Variants in IQSEC3 observed in about 807,000 individuals in gnomAD.
IQSEC3 encodes the protein IQ motif and Sec7 domain ArfGEF 3, also known as IQ motif and SEC7 domain-containing protein 3.
IQSEC3 carries 50 observed loss-of-function variants against 105.4 expected under a neutral mutation model. The ratio of observed to expected loss-of-function variants is 0.47; its 90% CI spans 0.38 to 0.60. The LOEUF (loss-of-function observed/expected upper bound fraction) is 0.60, where lower values mean the gene tolerates loss of function less well. Among genes scored for constraint, IQSEC3 ranks in the 20% least tolerant of loss-of-function variants. The pLI is 0.00. For synonymous variants in IQSEC3, 708 were observed against 746.0 expected (o/e 0.95, Z 0.83); for missense variants, 1,415 against 1,630.0 (o/e 0.87, Z 2.27).
chr12:118,093 C>T (rs1254551352), intron 2 of IQSEC3, among the ~76,000 whole-genome samples: 1 of 152,160 alleles, frequency 6.6e-6, no homozygotes, highest in Non-Finnish European at 1.5e-5. Flanking sequence ...AATGAGGATA[C>T]AGAGCCCAGA....
intron 3 of IQSEC3, among the ~76,000 whole-genome samples, chr12:135,672 G>A (rs1865739651): frequency 6.6e-6 from 1 of 152,238 alleles, no homozygotes; most frequent in South Asian, 2.1e-4. Flanking sequence ...CCCTATAAAT[G>A]AAGCTGAAGC....
chr12:152,520 G>T lies in IQSEC3; in HGVS notation c.2154-4505G>T, dbSNP rs895877659. On this transcript the variant is annotated intron_variant, in intron 5 of 13. Coordinates refer to ENST00000538872, the MANE Select transcript of IQSEC3 (RefSeq NM_001170738.2). The surrounding 1 kb of genome is among the most constrained non-coding windows in gnomAD (Gnocchi z 4.8). ...GAGATGTGTGCAGCACGCCTGTAGG[G>T]CTGGCTGTCTAGTGTACTTCAGTCT... is the stretch of plus-strand genomic sequence containing the variant. Among the ~76,000 whole-genome samples the T allele has an allele frequency of 2.0e-5, 3 of 152,210 alleles. No individual in the cohort carries two copies. Among genetic ancestry groups the T allele is most frequent in the Admixed American group, 6.5e-5 (1 of 15,288 alleles).
intron 13 of IQSEC3, chr12:171,401 G>A: frequency 1.5e-6 from 2 of 1,364,282 alleles, no homozygotes; most frequent in Admixed American, 1.7e-5. Context: ...GCCCTCCGAG[G>A]CCGAGCTCCC....
chr12:125,920 G>A lies in IQSEC3; in HGVS notation c.903+8G>A. The A allele has an allele frequency of 6.5e-7, 1 of 1,530,956 alleles. No homozygotes were observed. The highest frequency in any genetic ancestry group is 8.7e-7 in the Non-Finnish European group (1 of 1,145,380). 94.8% of individuals were successfully genotyped at this position (1,530,956 alleles called of 1,614,324 possible). A position where few individuals can be genotyped will look rare whatever the true frequency, so the allele number is the denominator to read the frequency against. ...GACCTAAAGAATAAACAGGTACCCA[G>A]GGCCTCCTAGGGGGGCGGGGAGGGT... On this transcript the variant is annotated splice_region_variant and intron_variant, in intron 3 of 13. Coordinates refer to ENST00000538872, the MANE Select transcript of IQSEC3 (RefSeq NM_001170738.2).
At chr12:139,378 C>T in intron 4 of IQSEC3, 24 bp downstream of exon 4, 1 of 1,512,892 alleles carries the variant, frequency 6.6e-7, no homozygotes, top group Non-Finnish European at 8.9e-7. Flanking sequence ...GGCCCCCAGC[C>T]CGGAGTCCTG....
chr12:106,702 T>C (rs1864665702), intron 2 of IQSEC3: 1 of 152,256 alleles, frequency 6.6e-6, no homozygotes, highest in Admixed American at 6.5e-5. Flanking sequence ...TGGAAGCTTC[T>C]TGTTGGAATC....
intron 1 of IQSEC3, among the ~76,000 whole-genome samples, chr12:72,199 C>T (rs1863345649): frequency 6.6e-6 from 1 of 152,184 alleles, no homozygotes; most frequent in South Asian, 2.1e-4. Context: ...TGGCCCAAAA[C>T]CAAGCAAAGG....
chr12:75,556 T>G (rs1270531309), intron 1 of IQSEC3, among the ~76,000 whole-genome samples: 1 of 152,198 alleles, frequency 6.6e-6, no homozygotes, highest in Non-Finnish European at 1.5e-5. Flanking sequence ...AATAATTTTT[T>G]GGATGGTGAA....
At position 174,234 on chromosome 12, in the gene IQSEC3, C is replaced by T. The variant is rs565608895; in HGVS notation, c.3115-365C>T. Among the ~76,000 whole-genome samples the T allele has an allele frequency of 1.4e-4, 21 of 152,230 alleles. No individual in the cohort carries two copies. The East Asian group carries it at 3.9e-3, about 28-fold the overall frequency. ...TGCCTCAGCACACTCCTGGGAGGGG[C>T]AAAGACTATAACCCCTGCTTTCAAG... On this transcript the variant is annotated intron_variant, in intron 13 of 13. Transcript: ENST00000538872.
intron 5 of IQSEC3, among the ~76,000 whole-genome samples, chr12:142,818 G>A (rs534310779): frequency 1.3e-5 from 2 of 152,264 alleles, no homozygotes; most frequent in South Asian, 4.1e-4. Flanking sequence ...TTCCTTTTCT[G>A]TGTCCCCTAG....
chr12:101,749 A>G (rs782098703), intron 2 of IQSEC3, among the ~76,000 whole-genome samples: 28 of 151,842 alleles, frequency 1.8e-4, no homozygotes, highest in Non-Finnish European at 3.4e-4. Flanking sequence ...CTTCTCCGAG[A>G]GGAGACCCTC....
At chr12:91,125 A>C (rs1212915167) in intron 1 of IQSEC3, among the ~76,000 whole-genome samples, 1 of 151,830 alleles carries the variant, frequency 6.6e-6, no homozygotes, top group Non-Finnish European at 1.5e-5. Context: ...AGGGAGGGGG[A>C]TCCTCCTTCA....
Position 138,689 on chromosome 12 carries a change from G to A in IQSEC3, c.1326G>A (p.Ala442=), listed in dbSNP as rs1212761220. The part of the protein sequence containing the change: ...GAYQLHQALQ[A]AAGPPGLEAE... The stretch of plus-strand genomic sequence containing the variant: ...ACCAGCTCCACCAGGCCCTGCAGGC[G>A]GCCGCGGGGCCCCCAGGCCTGGAGG... The change falls in exon 4 of 14, where the codon GCG becomes GCA. Residue 442 remains alanine (A), a synonymous_variant. Transcript: ENST00000538872. This position sits in a 1 kb window ranked among gnomAD's most constrained non-coding sequence, Gnocchi z 7.1. 4.6e-6 allele frequency: 7 copies of A among 1,535,044 alleles called. No homozygotes were observed. Among genetic ancestry groups the A allele is most frequent in the Non-Finnish European group, 6.1e-6 (7 of 1,145,796 alleles).
At chr12:114,543 G>T (rs1864991720) in intron 2 of IQSEC3, among the ~76,000 whole-genome samples, 1 of 152,206 alleles carries the variant, frequency 6.6e-6, no homozygotes, top group African/African-American at 2.4e-5. Context: ...GGACAAATTT[G>T]GGGAAGAGAT....
At position 138,214 on chromosome 12, in the gene IQSEC3, C is replaced by A; in HGVS notation, c.904-53C>A. The A allele has an allele frequency of 6.7e-7, 1 of 1,500,368 alleles. No individual in the cohort carries two copies. The allele number at this position is 1,500,368 out of a possible 1,614,324, so 92.9% of individuals were successfully genotyped here. On this transcript the variant is annotated intron_variant, in intron 3 of 13. Transcript: ENST00000538872. This position sits in a 1 kb window ranked among gnomAD's most constrained non-coding sequence, Gnocchi z 7.1. ...GTGACTCCACCACTCCTCAGAAGGGCTGACCACCCTTCCCCTCTGAGCCCT... is the reference window on the plus strand; with the variant it reads ...GTGACTCCACCACTCCTCAGAAGGGATGACCACCCTTCCCCTCTGAGCCCT...
chr12:116,477 G>T (rs147296226), intron 2 of IQSEC3, among the ~76,000 whole-genome samples: 1 of 152,288 alleles, frequency 6.6e-6, no homozygotes, highest in African/African-American at 2.4e-5. Context: ...ATGGTCACCC[G>T]TGGTCCCTTT....
At position 168,662 on chromosome 12, in the gene IQSEC3, G is replaced by A. The variant is rs531441502; in HGVS notation, c.2972-351G>A. ...GTGAAGTGGGCCTGGCTGTCCTCTC[G>A]AGTGAGGCATGGAGAGGTTGGGTAA... is the stretch of plus-strand genomic sequence containing the variant. On this transcript the variant is annotated intron_variant, in intron 11 of 13. Coordinates refer to ENST00000538872, the MANE Select transcript of IQSEC3 (RefSeq NM_001170738.2). 5.6e-4 allele frequency among the ~76,000 whole-genome samples: 85 copies of A among 152,174 alleles called. 1 individual carries two copies. The highest frequency in any genetic ancestry group is 2.5e-3 in the South Asian group (12 of 4,804).
intron 1 of IQSEC3, among the ~76,000 whole-genome samples, chr12:85,808 G>A (rs140402826): frequency 1.3e-5 from 2 of 152,366 alleles, no homozygotes; most frequent in African/African-American, 2.4e-5. Flanking sequence ...TTATAGAGAT[G>A]TTGTACTGCC....
intron 2 of IQSEC3, among the ~76,000 whole-genome samples, chr12:116,831 G>A (rs1210664710): frequency 2.0e-5 from 3 of 152,180 alleles, no homozygotes; most frequent in Non-Finnish European, 2.9e-5. Flanking sequence ...GTAAAGACAA[G>A]GGGGGCGTTT....
Sources: allele counts gnomAD v4.1 joint callset (sites outside exome capture counted in the v4.1 genomes callset), GRCh38; gene constraint gnomAD v4.1.1; non-coding constraint Gnocchi (gnomAD v3.1); transcripts MANE v1.5; gene names NCBI Gene and HGNC (gene_info 2026-07-23, HGNC 2026-07-21).